PAG1: variants seen among roughly 807,000 people sequenced by gnomAD.
PAG1 encodes phosphoprotein membrane anchor with glycosphingolipid microdomains 1.
In PAG1, 23 loss-of-function variants were observed where a neutral mutation model predicts 31.7. That is an observed-to-expected ratio of 0.73 (90% CI 0.52 to 1.03). The LOEUF (loss-of-function observed/expected upper bound fraction) is 1.03, where lower values mean the gene tolerates loss of function less well. Among genes scored for constraint, PAG1 ranks in the 50% least tolerant of loss-of-function variants. PAG1 has a pLI of 0.00. For missense variants in PAG1, 473 were observed against 540.7 expected (o/e 0.87, Z 1.24); for synonymous variants, 214 against 210.3 (o/e 1.02, Z -0.15).
chr8:81,093,236 G>T (rs1394802209), intron 1 of PAG1, among the ~76,000 whole-genome samples: 1 of 152,174 alleles, frequency 6.6e-6, no homozygotes, highest in African/African-American at 2.4e-5. Context: ...GGTGAGACAT[G>T]AATCCAGGAT....
chr8:81,013,993 C>T (rs1808029778), intron 3 of PAG1, among the ~76,000 whole-genome samples: 1 of 152,296 alleles, frequency 6.6e-6, no homozygotes. Flanking sequence ...TCTAGTTCCA[C>T]ATATTTGCAT....
intron 1 of PAG1, among the ~76,000 whole-genome samples, chr8:81,108,014 T>C (rs944117048): frequency 5.3e-5 from 8 of 152,260 alleles, no homozygotes; most frequent in Non-Finnish European, 1.2e-4. Context: ...TTCTTTTACA[T>C]GTATCTTTTG....
At chr8:81,083,749 T>C (rs912053512) in intron 1 of PAG1, among the ~76,000 whole-genome samples, 3 of 152,160 alleles carry the variant, frequency 2.0e-5, no homozygotes, top group African/African-American at 7.2e-5. Flanking sequence ...ATATATGGGA[T>C]CTCAGTCAGG....
intron 3 of PAG1, among the ~76,000 whole-genome samples, chr8:81,018,394 G>T (rs1483222348): frequency 1.3e-5 from 2 of 152,122 alleles, no homozygotes; most frequent in South Asian, 2.1e-4. Flanking sequence ...TTCAACATGG[G>T]TATTTCAAAA....
chr8:81,110,413 A>C (rs929482436), intron 1 of PAG1, among the ~76,000 whole-genome samples: 1 of 152,228 alleles, frequency 6.6e-6, no homozygotes, highest in Non-Finnish European at 1.5e-5. Flanking sequence ...TAACCAACTC[A>C]GGTATTAAAC....
chr8:81,088,722 C>T (rs1353575107), intron 1 of PAG1, among the ~76,000 whole-genome samples: 1 of 152,104 alleles, frequency 6.6e-6, no homozygotes, highest in Non-Finnish European at 1.5e-5. Flanking sequence ...CCACCACCCA[C>T]CTTCAGAAAA....
At position 81,057,560 on chromosome 8, in the gene PAG1, C is replaced by T. The variant is rs1808846380; in HGVS notation, c.-175+12552G>A. Among the ~76,000 whole-genome samples, 5 of 119,218 alleles carry T rather than the reference C, an allele frequency of 4.2e-5. No homozygotes were observed. In the South Asian group the frequency reaches 1.3e-3, roughly 31 times the overall value. The allele number at this position is 119,218 out of a possible 152,430, so 78.2% of individuals were successfully genotyped here. On this transcript the variant is annotated intron_variant, in intron 2 of 8. Transcript: ENST00000220597. ...GAAGGGGAACATCACACACAGGGGC[C>T]TGTCGTGGGGTCGGGGGAGGGGGGA... is the stretch of plus-strand genomic sequence containing the variant.
intron 2 of PAG1, among the ~76,000 whole-genome samples, chr8:81,032,692 C>CAG (rs1181433354): frequency 2.2e-4 from 34 of 152,278 alleles, no homozygotes; most frequent in African/African-American, 8.2e-4. Flanking sequence ...CAGAGAGTTA[C>CAG]CATGTGACCC....
At chr8:81,025,707 G>A (rs976726834) in intron 3 of PAG1, among the ~76,000 whole-genome samples, 2 of 152,212 alleles carry the variant, frequency 1.3e-5, no homozygotes, top group African/African-American at 4.8e-5. Context: ...GTCACAGGAT[G>A]CAGTTCACCC....
At chr8:81,025,726 A>C (rs1247646254) in intron 3 of PAG1, among the ~76,000 whole-genome samples, 1 of 152,226 alleles carries the variant, frequency 6.6e-6, no homozygotes, top group Non-Finnish European at 1.5e-5. Flanking sequence ...CCTGACAGCC[A>C]CAGGAGGAGG....
chr8:81,080,449 T>C (rs1809248239), intron 1 of PAG1, among the ~76,000 whole-genome samples: 1 of 152,106 alleles, frequency 6.6e-6, no homozygotes. Flanking sequence ...GCTAGGTGGG[T>C]AGAGGCATTT....
At chr8:81,019,546 G>T (rs1808127067) in intron 3 of PAG1, among the ~76,000 whole-genome samples, 2 of 152,242 alleles carry the variant, frequency 1.3e-5, no homozygotes, top group Non-Finnish European at 2.9e-5. Context: ...GCTTCAGAGG[G>T]TGCAAGCCCC....
chr8:81,020,263 G>A, intron 3 of PAG1, among the ~76,000 whole-genome samples: 1 of 152,162 alleles, frequency 6.6e-6, no homozygotes, highest in East Asian at 1.9e-4. Context: ...AAGACTTTGG[G>A]GGATTGTTAG....
chr8:81,027,767 T>C (rs1808307508), intron 3 of PAG1, among the ~76,000 whole-genome samples: 1 of 151,534 alleles, frequency 6.6e-6, no homozygotes, highest in Non-Finnish European at 1.5e-5. Flanking sequence ...TAGCTGGGCG[T>C]GGTGGCGGAT....
intron 1 of PAG1, among the ~76,000 whole-genome samples, chr8:81,084,202 T>C (rs1188303932): frequency 1.3e-5 from 2 of 152,198 alleles, no homozygotes; most frequent in African/African-American, 4.8e-5. Flanking sequence ...GAACAATGTC[T>C]AGGAATTTTA....
intron 1 of PAG1, among the ~76,000 whole-genome samples, chr8:81,084,044 A>G (rs1247731318): frequency 3.9e-5 from 6 of 152,076 alleles, no homozygotes; most frequent in Non-Finnish European, 7.4e-5. Flanking sequence ...TAGAAAAAAA[A>G]AAAAGGGAAT....
chr8:81,060,949 A>C lies in PAG1; in HGVS notation c.-175+9163T>G, dbSNP rs113348560. 8.9e-3 allele frequency among the ~76,000 whole-genome samples: 1,363 copies of C among 152,378 alleles called. 19 individuals are homozygous for C. The highest frequency in any genetic ancestry group is 0.031 in the African/African-American group (1,270 of 41,586). ...CATAAAATTGTATTTAACAGGCTCT[A>C]CAGCAGCCTCTCTGCTCCCTTGAAA... On this transcript the variant is annotated intron_variant, in intron 2 of 8. Coordinates refer to ENST00000220597, the MANE Select transcript of PAG1 (RefSeq NM_018440.4).
intron 1 of PAG1, among the ~76,000 whole-genome samples, chr8:81,085,969 C>CTTT (rs1563425286): frequency 1.0e-4 from 8 of 79,054 alleles, no homozygotes; most frequent in South Asian, 4.3e-4. Flanking sequence ...TTTAATCTGG[C>CTTT]TTGTTTTTTT....
Position 81,015,908 on chromosome 8 carries a change from T to C in PAG1, c.-81+14088A>G, listed in dbSNP as rs185451685. Among the ~76,000 whole-genome samples, 24 of 152,320 alleles carry C rather than the reference T, an allele frequency of 1.6e-4. No homozygotes were observed. In the East Asian group the frequency reaches 1.9e-3, roughly 12 times the overall value. ...GACTCCCTTTAGCTCATGGAGCTCA[T>C]TGGAAGCAATGGTGTGTCAATGTTG... On this transcript the variant is annotated intron_variant, in intron 3 of 8. Coordinates refer to ENST00000220597, the MANE Select transcript of PAG1 (RefSeq NM_018440.4).
Sources: gnomAD v4.1 joint callset for allele counts (sites outside exome capture counted in the v4.1 genomes callset) on GRCh38, gnomAD v4.1.1 for gene constraint, MANE v1.5 for transcripts, NCBI Gene and HGNC (gene_info 2026-07-23, HGNC 2026-07-21) for gene names.